ATG7: variants seen among roughly 807,000 people sequenced by gnomAD.
ATG7 encodes the protein autophagy related 7, also known as ubiquitin-like modifier-activating enzyme ATG7.
ATG7 carries 70 observed loss-of-function variants against 82.4 expected under a neutral mutation model. That is an observed-to-expected ratio of 0.85 (90% CI 0.70 to 1.04). The LOEUF is 1.04. Ranked by LOEUF, ATG7 falls within the 50% of genes least tolerant of loss-of-function variation. The pLI is 0.00. For missense variants in ATG7, 792 were observed against 864.3 expected, an observed-to-expected ratio of 0.92 and a Z score of 1.05; for synonymous variants, 287 against 313.0, an observed-to-expected ratio of 0.92 and a Z score of 0.88.
chr3:11,392,228 C>A (rs546947652), intron 19 of ATG7, among the ~76,000 whole-genome samples: 1 of 152,222 alleles, frequency 6.6e-6, no homozygotes, highest in East Asian at 1.9e-4. Flanking sequence ...CATAGTTCAT[C>A]TCCCATTTTG....
At chr3:11,573,351 GAAAGAAAGAAAGAAAGAAAGAAAGAA>G in the ATG7 span, among the ~76,000 whole-genome samples, 2 of 87,244 alleles carry the variant, frequency 2.3e-5, no homozygotes, top group African/African-American at 7.0e-5. Flanking sequence ...AAGAAAGAAA[GAAAGAAAGAAAGAAAGAAAGAAAGAA>G]AGAAAGAAAG....
At chr3:11,531,808 G>A (rs1438330808) in intron 20 of ATG7, among the ~76,000 whole-genome samples, 20 of 148,508 alleles carry the variant, frequency 1.3e-4, no homozygotes, top group Admixed American at 1.3e-3. Context: ...AGGCTGCAGT[G>A]AGCCCAGATC....
intron 20 of ATG7, among the ~76,000 whole-genome samples, chr3:11,475,253 G>C (rs1460364199): frequency 1.3e-5 from 2 of 152,058 alleles, no homozygotes; most frequent in Admixed American, 6.6e-5. Context: ...CCAGTCATGC[G>C]GGTTTATGTG....
intron 19 of ATG7, among the ~76,000 whole-genome samples, chr3:11,394,487 T>C (rs2079056610): frequency 6.6e-6 from 1 of 152,190 alleles, no homozygotes; most frequent in African/African-American, 2.4e-5. Flanking sequence ...CAATTTTTTG[T>C]TTTATGGCCA....
chr3:11,396,575 G>A (rs1001252409), intron 19 of ATG7, among the ~76,000 whole-genome samples: 10 of 152,082 alleles, frequency 6.6e-5, no homozygotes, highest in Admixed American at 5.9e-4. Flanking sequence ...TCAGGAGTTT[G>A]AGACCAGCCT....
chr3:11,536,072 G>C (rs890902802), intron 20 of ATG7, among the ~76,000 whole-genome samples: 3 of 152,198 alleles, frequency 2.0e-5, no homozygotes, highest in African/African-American at 4.8e-5. Context: ...TAACTGGCTA[G>C]TTGGGGCAAG....
At chr3:11,438,480 C>T (rs565606181) in intron 20 of ATG7, among the ~76,000 whole-genome samples, 3 of 152,202 alleles carry the variant, frequency 2.0e-5, no homozygotes, top group Admixed American at 1.3e-4. Flanking sequence ...GTGGGAGGAT[C>T]GCTTGAACCC....
At chr3:11,411,485 G>C (rs924943708) in intron 19 of ATG7, among the ~76,000 whole-genome samples, 7 of 151,730 alleles carry the variant, frequency 4.6e-5, no homozygotes, top group African/African-American at 1.7e-4. Flanking sequence ...GCCAGGCATG[G>C]TGGTGTGTGC....
chr3:11,413,409 CG>C (rs2081089173), intron 19 of ATG7, among the ~76,000 whole-genome samples: 1 of 152,028 alleles, frequency 6.6e-6, no homozygotes, highest in African/African-American at 2.4e-5. Context: ...CTGCATCAAT[CG>C]AGATGATTGT....
chr3:11,512,760 T>C (rs549994501), intron 20 of ATG7, among the ~76,000 whole-genome samples: 157 of 152,288 alleles, frequency 1.0e-3, no homozygotes, highest in African/African-American at 3.7e-3. Flanking sequence ...GCTTCCATAG[T>C]GTGGAAGGGG....
At chr3:11,552,176 C>T (rs748546113) in intron 20 of ATG7, among the ~76,000 whole-genome samples, 12 of 152,152 alleles carry the variant, frequency 7.9e-5, no homozygotes, top group Non-Finnish European at 1.5e-4. Flanking sequence ...TATCTTAGCA[C>T]TTATTTTATT....
At position 11,508,337 on chromosome 3, in the gene ATG7, A is replaced by T. The variant is rs929324594; in HGVS notation, c.2080-46474A>T. ...ACACTAACGATAGCTGATGAGCTTAAAAAAAAAAAAAAAGAAAAAATTCAT... is the reference window on the plus strand; with the variant it reads ...ACACTAACGATAGCTGATGAGCTTATAAAAAAAAAAAAAGAAAAAATTCAT... On this transcript the variant is annotated intron_variant, in intron 20 of 20. Transcript: ENST00000693202. 2.1e-3 allele frequency among the ~76,000 whole-genome samples: 8 copies of T among 3,742 alleles called. No individual in the cohort carries two copies. In the African/African-American group the frequency reaches 0.03, roughly 14 times the overall value. The allele number at this position is 3,742 out of a possible 152,430, so 2.5% of individuals were successfully genotyped here.
intron 19 of ATG7, among the ~76,000 whole-genome samples, chr3:11,402,254 A>AGG (rs2079905747): frequency 6.6e-6 from 1 of 152,212 alleles, no homozygotes; most frequent in Admixed American, 6.5e-5. Flanking sequence ...CAACATGGTG[A>AGG]AACCCGGTTT....
rs545539413 is a variant in ATG7 at position 11,384,962 on chromosome 3, C to T, written c.1956+4910C>T. Among the ~76,000 whole-genome samples, 208 of 152,314 alleles carry T rather than the reference C, an allele frequency of 1.4e-3. 2 individuals carry two copies. The highest frequency in any genetic ancestry group is 4.6e-3 in the African/African-American group (193 of 41,568). ...TGTCATGCCCATGCCCCAAAACCCC[C>T]GCCAGAAAGAAGCATGAAATAACAA... On this transcript the variant is annotated intron_variant, in intron 19 of 20. Coordinates refer to ENST00000693202, the MANE Select transcript of ATG7 (RefSeq NM_001349232.2).
intron 20 of ATG7, among the ~76,000 whole-genome samples, chr3:11,450,557 C>G (rs1452561491): frequency 2.0e-5 from 3 of 152,166 alleles, no homozygotes; most frequent in Admixed American, 6.5e-5. Context: ...CTACCATTCT[C>G]CATAAGTACA....
chr3:11,558,749 G>T, downstream of ATG7: 1 of 1,614,176 alleles, frequency 6.2e-7, no homozygotes, highest in Non-Finnish European at 8.5e-7. Context: ...GGAGTTGGGT[G>T]CCGGCTCGGG....
At chr3:11,356,087 A>G (rs1174171815) in intron 14 of ATG7, among the ~76,000 whole-genome samples, 1 of 152,152 alleles carries the variant, frequency 6.6e-6, no homozygotes, top group East Asian at 1.9e-4. Context: ...CATTTATGTG[A>G]TATGTTCTAG....
chr3:11,542,598 A>G (rs960192482), intron 20 of ATG7, among the ~76,000 whole-genome samples: 4 of 152,100 alleles, frequency 2.6e-5, no homozygotes, highest in African/African-American at 9.7e-5. Flanking sequence ...CAGTATCCCC[A>G]CTGCTACACT....
intron 19 of ATG7, among the ~76,000 whole-genome samples, chr3:11,408,223 C>G (rs1181836130): frequency 6.6e-6 from 1 of 152,252 alleles, no homozygotes; most frequent in Non-Finnish European, 1.5e-5. Flanking sequence ...TGACACCAGT[C>G]TCTTTGCTAA....
Sources: allele counts gnomAD v4.1 joint callset (sites outside exome capture counted in the v4.1 genomes callset), GRCh38; gene constraint gnomAD v4.1.1; transcripts MANE v1.5; gene names NCBI Gene and HGNC (gene_info 2026-07-23, HGNC 2026-07-21).